Variants in AR observed in about 807,000 individuals in gnomAD.
AR encodes androgen receptor.
Under a neutral mutation model 53.9 loss-of-function variants are expected in AR, and 8 were observed. That is an observed-to-expected ratio of 0.15 (90% CI 0.09 to 0.27). The LOEUF (loss-of-function observed/expected upper bound fraction) is 0.27, where lower values mean the gene tolerates loss of function less well. Among genes scored for constraint, AR ranks in the 10% least tolerant of loss-of-function variants. The pLI, the probability that AR is intolerant of heterozygous loss-of-function variation, is 1.00. For synonymous variants in AR, 359 were observed against 316.4 expected, an observed-to-expected ratio of 1.13 and a Z score of -1.43; for missense variants, 639 against 742.5, an observed-to-expected ratio of 0.86 and a Z score of 1.62.
intron 2 of AR, among the ~76,000 whole-genome samples, chrX:67,673,518 G>C (rs1225391838): frequency 1.0e-5 from 1 of 97,186 alleles, no homozygotes; most frequent in Admixed American, 1.2e-4. Flanking sequence ...CAAATAGCCT[G>C]TTTTAAAACT....
At chrX:67,711,053 C>T (rs1425861389) in intron 3 of AR, among the ~76,000 whole-genome samples, 1 of 111,731 alleles carries the variant, frequency 9.0e-6, no homozygotes, top group African/African-American at 3.3e-5. Flanking sequence ...AATGAATGAA[C>T]GAAAATGAAT....
Position 67,724,092 on chromosome X carries a change from C to G in AR, c.*251C>G. ...CAGACTTTGCTTCCCATTGTGGCTCCTATCTGTGTTTTGAATGGTGTTGTA... is the reference window on the plus strand; with the variant it reads ...CAGACTTTGCTTCCCATTGTGGCTCGTATCTGTGTTTTGAATGGTGTTGTA... On this transcript the variant is annotated 3_prime_UTR_variant, in exon 8 of 8. Coordinates refer to ENST00000374690, the MANE Select transcript of AR (RefSeq NM_000044.6). 2.5e-6 allele frequency: 1 copy of G among 405,492 alleles called. No homozygotes were observed. Among genetic ancestry groups the G allele is most frequent in the Non-Finnish European group, 4.3e-6 (1 of 232,774 alleles). The allele number at this position is 405,492 out of a possible 1,213,427, so 33.4% of individuals were successfully genotyped here.
At chrX:67,637,622 G>A (rs972909250) in intron 1 of AR, among the ~76,000 whole-genome samples, 1 of 108,905 alleles carries the variant, frequency 9.2e-6, no homozygotes, top group Admixed American at 9.9e-5. Flanking sequence ...ATTGTGAATA[G>A]TGCCGCAATA....
intron 1 of AR, among the ~76,000 whole-genome samples, chrX:67,599,857 A>G (rs1181747483): frequency 1.8e-5 from 2 of 112,216 alleles, no homozygotes; most frequent in African/African-American, 6.5e-5. Flanking sequence ...AAAATCATTA[A>G]ATAAATTATG....
At chrX:67,674,702 C>T (rs1184262011) in intron 2 of AR, among the ~76,000 whole-genome samples, 1 of 111,122 alleles carries the variant, frequency 9.0e-6, no homozygotes, top group Non-Finnish European at 1.9e-5. Context: ...AGGAAGTGGG[C>T]TCCTCTCTGG....
chrX:67,702,081 C>G (rs963042782), intron 3 of AR, among the ~76,000 whole-genome samples: 1 of 111,547 alleles, frequency 9.0e-6, no homozygotes, highest in African/African-American at 3.3e-5. Flanking sequence ...AGATGAGGTT[C>G]AGATGATTGG....
intron 1 of AR, among the ~76,000 whole-genome samples, chrX:67,608,973 T>C (rs1923756387): frequency 9.0e-6 from 1 of 110,702 alleles, no homozygotes. Context: ...AATTAACAAT[T>C]CATCCCTTCA....
intron 1 of AR, among the ~76,000 whole-genome samples, chrX:67,632,982 A>G (rs1016718805): frequency 8.9e-6 from 1 of 112,128 alleles, no homozygotes; most frequent in Admixed American, 9.4e-5. Flanking sequence ...ACACCTATTA[A>G]GATGGCTATA....
chrX:67,651,752 G>A (rs1212689705), intron 2 of AR, among the ~76,000 whole-genome samples: 5 of 111,848 alleles, frequency 4.5e-5, no homozygotes, highest in Admixed American at 9.6e-5. Context: ...AAAATTCCAA[G>A]CACTTAAAAC....
At position 67,643,291 on chromosome X, in the gene AR, A is replaced by G; in HGVS notation, c.1652A>G (p.Asp551Gly). 1 of 1,211,198 alleles carries G rather than the reference A, an allele frequency of 8.3e-7. No individual in the cohort carries two copies. The highest frequency in any genetic ancestry group is 1.1e-6 in the Non-Finnish European group (1 of 895,302). Residue 551 changes from aspartate to glycine, a missense_variant, in exon 2 of 8, where the codon GAC (aspartate) becomes GGC (glycine). Physicochemically the swap from Asp to Gly is moderately conservative, Grantham distance 94 (BLOSUM62 -1). Coordinates refer to ENST00000374690, the MANE Select transcript of AR (RefSeq NM_000044.6). ...GCCAGGGACCATGTTTTGCCCATTG[A>G]CTATTACTTTCCACCCCAGAAGACC... is the stretch of plus-strand genomic sequence containing the variant. ...ETARDHVLPI[D>G]YYFPPQKTCL...
At chrX:67,546,936 A>C (rs746426066) in intron 1 of AR, among the ~76,000 whole-genome samples, 174 bp downstream of exon 1, 34 of 109,971 alleles carry the variant, frequency 3.1e-4, no homozygotes, top group African/African-American at 1.1e-3. Flanking sequence ...GTTTAACCTG[A>C]GCTCTCCTAA....
rs984309701 is a variant in AR at position 67,730,566 on chromosome X, G to A, written c.*6725G>A. 2 of 169,440 alleles carry A rather than the reference G, an allele frequency of 1.2e-5. No individual in the cohort carries two copies. Among genetic ancestry groups the A allele is most frequent in the Non-Finnish European group, 2.3e-5 (2 of 88,514 alleles). 14.0% of individuals were successfully genotyped at this position (169,440 alleles called of 1,213,427 possible). On this transcript the variant is annotated 3_prime_UTR_variant, in exon 8 of 8. Transcript: ENST00000374690. ...AAGAGACCCAAGAAAAGCTGCTAAT[G>A]TCCTCTTATCATTGTTGTTAATTTG...
chrX:67,711,780 GC>G, intron 4 of AR, 91 bp downstream of exon 4: 1 of 947,743 alleles, frequency 1.1e-6, no homozygotes, highest in Non-Finnish European at 1.4e-6. Context: ...GTGCTTTTCT[GC>G]CCATTAACTC....
chrX:67,717,487 A>T lies in AR; in HGVS notation c.2183A>T (p.Asn728Ile), dbSNP rs749571801. ...GCCTCTTCTTCTCCAGGCTTCCGCA[A>T]CTTACACGTGGACGACCAGATGGCT... ...KWAKALPGFR[N>I]LHVDDQMAVI... is the part of the protein sequence containing the mutation. The change falls in exon 5 of 8, where the codon AAC becomes ATC. Residue 728 changes from asparagine (N) to isoleucine (I), a missense_variant. By Grantham distance (149) the Asn-to-Ile change is moderately radical (BLOSUM62 -3). Coordinates refer to ENST00000374690, the MANE Select transcript of AR (RefSeq NM_000044.6). 1 of 1,211,958 alleles carries T rather than the reference A, an allele frequency of 8.3e-7. No homozygotes were observed. The highest frequency in any genetic ancestry group is 1.7e-5 in the African/African-American group (1 of 57,890).
intron 3 of AR, among the ~76,000 whole-genome samples, chrX:67,692,373 G>C (rs937851443): frequency 8.9e-6 from 1 of 112,706 alleles, no homozygotes; most frequent in Non-Finnish European, 1.9e-5. Context: ...TGCTTTAGCT[G>C]ATCTGCATAA....
At chrX:67,613,447 G>A (rs1447020169) in intron 1 of AR, among the ~76,000 whole-genome samples, 1 of 109,832 alleles carries the variant, frequency 9.1e-6, no homozygotes, top group Non-Finnish European at 1.9e-5. Flanking sequence ...AATTAAGAGT[G>A]GATTGGTAGC....
chrX:67,638,701 C>T (rs1299620870), intron 1 of AR, among the ~76,000 whole-genome samples: 1 of 111,878 alleles, frequency 8.9e-6, no homozygotes, highest in African/African-American at 3.2e-5. Flanking sequence ...TGTTTAAGTT[C>T]ATTGCACATT....
rs370317637 is a variant in AR, at chrX:67,645,212, G to T, written c.1768+1805G>T. On this transcript the variant is annotated intron_variant, in intron 2 of 7. Coordinates refer to ENST00000374690, the MANE Select transcript of AR (RefSeq NM_000044.6). Reference sequence around the variant, plus strand: ...TCAGATAGATTAGATTATACTTGATGCTTCCTCTGAGTTTTACAAATATGG... The same window carrying T: ...TCAGATAGATTAGATTATACTTGATTCTTCCTCTGAGTTTTACAAATATGG... 1.9e-4 allele frequency among the ~76,000 whole-genome samples: 21 copies of T among 112,153 alleles called. No homozygotes were observed. The East Asian group carries it at 2.5e-3, about 14-fold the overall frequency.
At chrX:67,565,799 T>C (rs1416960587) in intron 1 of AR, among the ~76,000 whole-genome samples, 3 of 111,508 alleles carry the variant, frequency 2.7e-5, no homozygotes, top group Non-Finnish European at 5.7e-5. Context: ...TTCAAGTGAT[T>C]CTCGTGCCTC....
Sources: allele counts gnomAD v4.1 joint callset (sites outside exome capture counted in the v4.1 genomes callset), GRCh38; gene constraint gnomAD v4.1.1; transcripts MANE v1.5; gene names NCBI Gene and HGNC (gene_info 2026-07-23, HGNC 2026-07-21).